Variants in STK39 observed in about 807,000 individuals in gnomAD.
STK39 encodes the protein STE20/SPS1-related proline-alanine-rich protein kinase.
In STK39, 20 loss-of-function variants were observed where a neutral mutation model predicts 77.8. The observed-to-expected ratio is 0.26, with a 90% CI of 0.18 to 0.37. STK39 has a LOEUF of 0.37. Ranked by LOEUF, STK39 falls within the 10% of genes least tolerant of loss-of-function variation. The probability of loss-of-function intolerance (pLI) is 1.00; values close to 1 mark genes in which losing one functional copy is unlikely to be tolerated. For synonymous variants in STK39, 246 were observed against 234.1 expected, an observed-to-expected ratio of 1.05 and a Z score of -0.47; for missense variants, 479 against 656.5, an observed-to-expected ratio of 0.73 and a Z score of 2.95.
chr2:168,126,773 G>C (rs534154727), intron 10 of STK39, among the ~76,000 whole-genome samples: 8 of 152,304 alleles, frequency 5.3e-5, no homozygotes, highest in African/African-American at 1.9e-4. Context: ...CTACAGGTGA[G>C]GGGTGGAGTA....
At chr2:167,996,627 A>G (rs1469285497) in intron 16 of STK39, among the ~76,000 whole-genome samples, 2 of 152,226 alleles carry the variant, frequency 1.3e-5, no homozygotes, top group African/African-American at 2.4e-5. Flanking sequence ...CTGTAGAAAT[A>G]GAAGGCTTAT....
At chr2:167,981,050 T>TAA (rs36011880) in intron 16 of STK39, among the ~76,000 whole-genome samples, 29 of 147,404 alleles carry the variant, frequency 2.0e-4, no homozygotes, top group East Asian at 3.9e-4. Flanking sequence ...GGCCACAGAG[T>TAA]AAAAAAAAAA....
intron 15 of STK39, among the ~76,000 whole-genome samples, chr2:168,014,585 AT>A (rs1684359866): frequency 6.6e-6 from 1 of 150,938 alleles, no homozygotes; most frequent in Non-Finnish European, 1.5e-5. Flanking sequence ...TCTGAACATG[AT>A]TTAGCTTTCT....
At chr2:168,246,701 C>T (rs1690913778) in intron 1 of STK39, among the ~76,000 whole-genome samples, 1 of 152,160 alleles carries the variant, frequency 6.6e-6, no homozygotes, top group African/African-American at 2.4e-5. Context: ...CTGGGGCCTC[C>T]GCGGCTTCTA....
At chr2:167,998,792 C>G (rs1376210957) in intron 16 of STK39, among the ~76,000 whole-genome samples, 1 of 152,212 alleles carries the variant, frequency 6.6e-6, no homozygotes, top group Non-Finnish European at 1.5e-5. Flanking sequence ...ACCCAGAACA[C>G]TGGGACATCA....
At chr2:168,168,583 C>T (rs1279045402) in intron 2 of STK39, among the ~76,000 whole-genome samples, 1 of 152,202 alleles carries the variant, frequency 6.6e-6, no homozygotes, top group African/African-American at 2.4e-5. Context: ...GTTATCTTTG[C>T]TTGTCCAGTA....
chr2:168,078,850 C>T (rs1686151190), intron 10 of STK39, among the ~76,000 whole-genome samples: 1 of 151,946 alleles, frequency 6.6e-6, no homozygotes, highest in Non-Finnish European at 1.5e-5. Flanking sequence ...TTTACCCCTT[C>T]GGTGGGAATC....
intron 16 of STK39, 102 bp from the exon 17 acceptor site, chr2:167,964,828 T>G: frequency 2.1e-6 from 2 of 962,564 alleles, no homozygotes; most frequent in Non-Finnish European, 3.2e-6. Context: ...TGCAATAAAC[T>G]GCAAAATCAT....
At chr2:167,964,621 G>T in intron 17 of STK39, 41 bp downstream of exon 17, 1 of 1,540,838 alleles carries the variant, frequency 6.5e-7, no homozygotes, top group South Asian at 1.1e-5. Flanking sequence ...GGCACAGCAT[G>T]GCAAAATATT....
intron 10 of STK39, among the ~76,000 whole-genome samples, chr2:168,126,015 T>C (rs968895275): frequency 2.6e-5 from 4 of 152,092 alleles, no homozygotes; most frequent in South Asian, 4.1e-4. Flanking sequence ...TAAAGAAAAA[T>C]GCACATTGAA....
chr2:168,154,285 T>A (rs1688369544), intron 5 of STK39, among the ~76,000 whole-genome samples: 1 of 152,188 alleles, frequency 6.6e-6, no homozygotes, highest in East Asian at 1.9e-4. Context: ...ATTAAAGTTA[T>A]CCACTTGTTA....
At chr2:168,233,610 C>G (rs1690516737) in intron 1 of STK39, among the ~76,000 whole-genome samples, 2 of 145,932 alleles carry the variant, frequency 1.4e-5, no homozygotes, top group South Asian at 4.4e-4. Context: ...ACTCAAATCC[C>G]AAAATGTTTC....
At chr2:168,105,235 T>G (rs1489298573) in intron 10 of STK39, among the ~76,000 whole-genome samples, 1 of 152,188 alleles carries the variant, frequency 6.6e-6, no homozygotes, top group East Asian at 1.9e-4. Context: ...GAAAGAGAAC[T>G]CAGTCCACCA....
At chr2:168,197,463 C>T (rs1181275667) in intron 1 of STK39, among the ~76,000 whole-genome samples, 3 of 152,196 alleles carry the variant, frequency 2.0e-5, no homozygotes, top group East Asian at 3.9e-4. Flanking sequence ...GTTCAATGAA[C>T]CTCCAACATC....
At chr2:168,246,348 G>A (rs1008180596) in intron 1 of STK39, among the ~76,000 whole-genome samples, 2 of 152,192 alleles carry the variant, frequency 1.3e-5, no homozygotes, top group Non-Finnish European at 1.5e-5. Context: ...AAGTAACGCC[G>A]AGCCCTGCGA....
intron 1 of STK39, among the ~76,000 whole-genome samples, chr2:168,222,024 A>C (rs2271741): frequency 0.21 from 31,518 of 152,036 alleles, 3,966 homozygotes; most frequent in Non-Finnish European, 0.29. Context: ...TGGCACCTTG[A>C]ACTACCAGCC....
rs140774582 is a variant in STK39 at position 168,223,819 on chromosome 2, A to G, written c.208+23409T>C. ...GTCCTTGGCACACGGCAGGTGCTCCATAAATGTTTGTATCAGAATTATCTG... is the reference window on the plus strand; with the variant it reads ...GTCCTTGGCACACGGCAGGTGCTCCGTAAATGTTTGTATCAGAATTATCTG... On this transcript the variant is annotated intron_variant, in intron 1 of 17. Coordinates refer to ENST00000355999, the MANE Select transcript of STK39 (RefSeq NM_013233.3). 1.8e-3 allele frequency among the ~76,000 whole-genome samples: 272 copies of G among 152,268 alleles called. 4 individuals are homozygous for G. Among genetic ancestry groups the G allele is most frequent in the African/African-American group, 6.2e-3 (258 of 41,516 alleles).
intron 16 of STK39, among the ~76,000 whole-genome samples, chr2:167,986,924 T>C (rs1246323581): frequency 1.3e-5 from 2 of 152,136 alleles, no homozygotes; most frequent in Non-Finnish European, 2.9e-5. Context: ...GACTTAGGGA[T>C]GATCATCAAT....
At chr2:168,195,203 C>A (rs892270244) in intron 1 of STK39, among the ~76,000 whole-genome samples, 5 of 152,122 alleles carry the variant, frequency 3.3e-5, no homozygotes, top group South Asian at 2.1e-4. Flanking sequence ...GAAGACATAA[C>A]CTGGGCAACA....
Sources: gnomAD v4.1 joint callset for allele counts (sites outside exome capture counted in the v4.1 genomes callset) on GRCh38, gnomAD v4.1.1 for gene constraint, MANE v1.5 for transcripts, NCBI Gene and HGNC (gene_info 2026-07-23, HGNC 2026-07-21) for gene names.